The following PPARGC1A variants were observed in gnomAD, a reference collection of about 807,000 sequenced individuals.
PPARGC1A encodes peroxisome proliferator-activated receptor gamma coactivator 1-alpha.
In PPARGC1A, 25 loss-of-function variants were observed where a neutral mutation model predicts 88.7. The observed-to-expected ratio is 0.28, with a 90% confidence interval of 0.21 to 0.39. The LOEUF is 0.39. Among genes scored for constraint, PPARGC1A ranks in the 10% least tolerant of loss-of-function variants. PPARGC1A has a pLI of 1.00. For synonymous variants in PPARGC1A, 363 were observed against 355.6 expected (o/e 1.02, Z -0.24); for missense variants, 880 against 968.7 (o/e 0.91, Z 1.22).
chr4:23,819,389 G>A (rs1035600108), intron 7 of PPARGC1A, among the ~76,000 whole-genome samples: 7 of 152,168 alleles, frequency 4.6e-5, no homozygotes, highest in African/African-American at 1.7e-4. Flanking sequence ...TGGTTACTGG[G>A]TAACAAACTG....
the PPARGC1A span, among the ~76,000 whole-genome samples, chr4:24,387,755 AGAGAGAGAGAG>A: frequency 2.6e-5 from 2 of 77,930 alleles, no homozygotes; most frequent in African/African-American, 1.1e-4. Context: ...AAAGAGAGAG[AGAGAGAGAGAG>A]AGAAAGAAAG....
At chr4:23,860,652 A>T (rs2148710302) in intron 2 of PPARGC1A, among the ~76,000 whole-genome samples, 1 of 152,368 alleles carries the variant, frequency 6.6e-6, no homozygotes, top group African/African-American at 2.4e-5. Flanking sequence ...TCAATGGCAG[A>T]GAGATTACAA....
the PPARGC1A span, among the ~76,000 whole-genome samples, chr4:24,133,194 T>C: frequency 5.3e-5 from 8 of 151,446 alleles, no homozygotes; most frequent in African/African-American, 1.5e-4. Flanking sequence ...CCCTGGGGGG[T>C]GGTGGTGGGG....
chr4:24,063,242 A>G, the PPARGC1A span, among the ~76,000 whole-genome samples: 1 of 152,224 alleles, frequency 6.6e-6, no homozygotes, highest in Non-Finnish European at 1.5e-5. Context: ...AAGTTGGCAG[A>G]GAAGTGAAAA....
the PPARGC1A span, among the ~76,000 whole-genome samples, chr4:24,131,124 G>C: frequency 6.6e-6 from 1 of 151,962 alleles, no homozygotes; most frequent in African/African-American, 2.4e-5. Flanking sequence ...TTGGCTCTAG[G>C]TGCCATGTCT....
At chr4:24,334,940 G>A in the PPARGC1A span, among the ~76,000 whole-genome samples, 123 of 152,120 alleles carry the variant, frequency 8.1e-4, no homozygotes, top group Non-Finnish European at 1.3e-3. Flanking sequence ...TGAACACATC[G>A]AGGCAAGACT....
chr4:24,362,686 G>A, the PPARGC1A span, among the ~76,000 whole-genome samples: 1 of 152,132 alleles, frequency 6.6e-6, no homozygotes, highest in African/African-American at 2.4e-5. Context: ...GAGGTTGTTT[G>A]CAAGTCTAGT....
chr4:24,203,708 A>G, the PPARGC1A span, among the ~76,000 whole-genome samples: 2 of 152,252 alleles, frequency 1.3e-5, no homozygotes, highest in African/African-American at 4.8e-5. Flanking sequence ...GCAATGATGA[A>G]CCCCATTGTG....
At chr4:24,030,492 C>T in the PPARGC1A span, among the ~76,000 whole-genome samples, 1 of 152,140 alleles carries the variant, frequency 6.6e-6, no homozygotes, top group African/African-American at 2.4e-5. Flanking sequence ...TCAAAGACAC[C>T]CACTAAAAAT....
At chr4:24,438,643 C>T in the PPARGC1A span, among the ~76,000 whole-genome samples, 17 of 152,240 alleles carry the variant, frequency 1.1e-4, 1 homozygote, top group South Asian at 3.3e-3. Context: ...TAATGATAAA[C>T]ATTTCCTCTC....
Position 23,890,041 on chromosome 4 carries a change from CCTTA to C in PPARGC1A, c.-88_-85del. 5 of 1,588,284 alleles carry C rather than the reference CCTTA, an allele frequency of 3.1e-6. No individual in the cohort carries two copies. Among genetic ancestry groups the C allele is most frequent in the Non-Finnish European group, 4.3e-6 (5 of 1,168,168 alleles). ...CACACACTCATGCAGGCAACCAGCC[CCTTA>C]CTGAGAGTGAACTGAAGGCACCTGT... On this transcript the variant is annotated 5_prime_UTR_variant, in exon 1 of 13. Transcript: ENST00000264867.
At chr4:24,372,576 A>G in the PPARGC1A span, among the ~76,000 whole-genome samples, 1 of 152,192 alleles carries the variant, frequency 6.6e-6, no homozygotes, top group Non-Finnish European at 1.5e-5. Context: ...TGCCTTGGCT[A>G]CACTTGCAGT....
rs146692175 is a variant in PPARGC1A, at chr4:23,873,025, C to A, written c.234+11727G>T. ...CTAACACGGTGAAACCCCGTCTCTA[C>A]TAAAAATACAAAAAAAAAATTAGCC... On this transcript the variant is annotated intron_variant, in intron 2 of 12. Coordinates refer to ENST00000264867, the MANE Select transcript of PPARGC1A (RefSeq NM_013261.5). Among the ~76,000 whole-genome samples the A allele has an allele frequency of 4.8e-3, 722 of 151,360 alleles. 7 individuals carry two copies. The highest frequency in any genetic ancestry group is 0.016 in the African/African-American group (678 of 41,252).
the PPARGC1A span, among the ~76,000 whole-genome samples, chr4:24,209,344 C>T: frequency 1.3e-5 from 2 of 152,284 alleles, 1 homozygote; most frequent in East Asian, 3.9e-4. Flanking sequence ...ACTGATTACC[C>T]TAAAGCAGTT....
chr4:24,341,814 A>G, the PPARGC1A span, among the ~76,000 whole-genome samples: 11 of 152,322 alleles, frequency 7.2e-5, no homozygotes, highest in Middle Eastern at 6.8e-3. Context: ...TTTGCTCACC[A>G]CAGCACAGAG....
chr4:24,169,595 C>T, the PPARGC1A span, among the ~76,000 whole-genome samples: 2 of 151,962 alleles, frequency 1.3e-5, no homozygotes, highest in Admixed American at 6.6e-5. Context: ...CTCAGCCAAG[C>T]ATGTTGGCTC....
the PPARGC1A span, among the ~76,000 whole-genome samples, chr4:23,993,379 AC>A: frequency 6.6e-6 from 1 of 152,200 alleles, no homozygotes; most frequent in Non-Finnish European, 1.5e-5. Context: ...AAGTAAGTGT[AC>A]TAGAGCAACA....
chr4:23,977,236 G>A, the PPARGC1A span, among the ~76,000 whole-genome samples: 6 of 152,166 alleles, frequency 3.9e-5, no homozygotes, highest in East Asian at 3.9e-4. Flanking sequence ...ACCTCTCTCC[G>A]GCGCACACGC....
the PPARGC1A span, among the ~76,000 whole-genome samples, chr4:24,051,756 C>T: frequency 6.6e-6 from 1 of 151,936 alleles, no homozygotes; most frequent in East Asian, 1.9e-4. Context: ...ATTAGTGTGG[C>T]TTAAATAACA....
Sources: gnomAD v4.1 joint callset for allele counts (sites outside exome capture counted in the v4.1 genomes callset) on GRCh38, gnomAD v4.1.1 for gene constraint, MANE v1.5 for transcripts, NCBI Gene and HGNC (gene_info 2026-07-23, HGNC 2026-07-21) for gene names.